The following CFAP92 variants were observed in gnomAD, a reference collection of about 807,000 sequenced individuals.
The protein encoded by CFAP92 is cilia and flagella associated protein 92 (putative).
A neutral mutation model predicts 106.3 loss-of-function variants in CFAP92; 86 were observed. The observed-to-expected ratio is 0.81, with a 90% CI of 0.68 to 0.97. The LOEUF is 0.97. Ranked by LOEUF, CFAP92 falls within the 50% of genes least tolerant of loss-of-function variation. The probability of loss-of-function intolerance (pLI) is 0.00; values close to 1 mark genes in which losing one functional copy is unlikely to be tolerated. For missense variants in CFAP92, 1,204 were observed against 1,283.8 expected (o/e 0.94, Z 0.95); for synonymous variants, 477 against 506.4 (o/e 0.94, Z 0.78).
intron 7 of CFAP92, among the ~76,000 whole-genome samples, chr3:128,972,857 GAA>G (rs772702523): frequency 7.3e-5 from 9 of 123,068 alleles, no homozygotes; most frequent in Admixed American, 8.4e-5. Flanking sequence ...CTCAGTCCTT[GAA>G]AAAAAAAAAA....
At chr3:128,974,922 G>A (rs993972015) in intron 7 of CFAP92, among the ~76,000 whole-genome samples, 1 of 151,350 alleles carries the variant, frequency 6.6e-6, no homozygotes, top group African/African-American at 2.4e-5. Context: ...AGATCGAGAC[G>A]ATCCTGGCTA....
chr3:128,999,528 G>C (rs1363945145), intron 1 of CFAP92, among the ~76,000 whole-genome samples: 1 of 138,690 alleles, frequency 7.2e-6, no homozygotes, highest in Non-Finnish European at 1.5e-5. Context: ...ATAAAATCAG[G>C]TTCTTTTTTT....
rs1280894191 is a variant in CFAP92 at position 128,932,943 on chromosome 3, G to T, written c.2508C>A (p.Asp836Glu). Residue 836 changes from aspartate to glutamate, a missense_variant, in exon 12 of 16, where the codon GAC becomes GAA. Coordinates refer to ENST00000645291, the MANE Select transcript of CFAP92 (RefSeq NM_001394090.1). ...TTATCATAGCAGAGGAGGGCAGCAG[G>T]TCCCTCACCGTCACGTCCCAGAGGG... Reference protein sequence around the residue: ...STTLWDVTVRDLLPSSAMIKD... With the variant: ...STTLWDVTVRELLPSSAMIKD... 2 of 1,535,990 alleles carry T rather than the reference G, an allele frequency of 1.3e-6. No homozygotes were observed. Among genetic ancestry groups the T allele is most frequent in the Non-Finnish European group, 1.7e-6 (2 of 1,146,908 alleles).
intron 15 of CFAP92, chr3:128,910,795 C>T: frequency 3.7e-6 from 6 of 1,614,168 alleles, no homozygotes; most frequent in Non-Finnish European, 5.1e-6. Flanking sequence ...TCTCTTCAGC[C>T]TCTCTCAGCT....
intron 9 of CFAP92, among the ~76,000 whole-genome samples, chr3:128,960,214 G>T (rs1394600120): frequency 6.6e-6 from 1 of 152,216 alleles, no homozygotes; most frequent in Non-Finnish European, 1.5e-5. Context: ...CTCACACAAA[G>T]CCTGTTTGGT....
upstream of CFAP92, among the ~76,000 whole-genome samples, chr3:129,004,791 G>A (rs961224285): frequency 2.0e-5 from 3 of 152,262 alleles, no homozygotes; most frequent in Admixed American, 6.5e-5. Context: ...CTGTAGATGA[G>A]GAAACAGGTG....
upstream of CFAP92, among the ~76,000 whole-genome samples, chr3:128,996,761 C>T (rs1445792369): frequency 6.6e-6 from 1 of 152,236 alleles, no homozygotes; most frequent in Non-Finnish European, 1.5e-5. Context: ...AGCTGGAGGA[C>T]CAACATGGCT....
intron 1 of CFAP92, chr3:129,002,425 G>A (rs956048000): frequency 6.1e-5 from 87 of 1,419,092 alleles, no homozygotes; most frequent in Non-Finnish European, 7.4e-5. Flanking sequence ...CAGAGGAAGG[G>A]GAGACAGAGG....
intron 7 of CFAP92, among the ~76,000 whole-genome samples, chr3:128,975,042 C>T (rs1277467630): frequency 6.6e-6 from 1 of 152,062 alleles, no homozygotes; most frequent in East Asian, 1.9e-4. Flanking sequence ...ATGGCGTGAA[C>T]CCGGGAGACA....
chr3:128,988,666 C>T, intron 3 of CFAP92, 62 bp downstream of exon 3: 2 of 1,529,274 alleles, frequency 1.3e-6, no homozygotes, highest in East Asian at 2.3e-5. Context: ...ATCCATGGAG[C>T]AGCACACTTT....
chr3:129,016,464 G>A, the CFAP92 span, among the ~76,000 whole-genome samples: 1 of 151,726 alleles, frequency 6.6e-6, no homozygotes, highest in Non-Finnish European at 1.5e-5. Flanking sequence ...GTCCACAAAA[G>A]GGAAGCTGGC....
chr3:128,965,542 G>T lies in CFAP92; in HGVS notation c.1322C>A (p.Pro441Gln). 2.5e-6 allele frequency: 1 copy of T among 398,972 alleles called. No homozygotes were observed. Among genetic ancestry groups the T allele is most frequent in the South Asian group, 1.3e-4 (1 of 7,850 alleles). 24.7% of individuals were successfully genotyped at this position (398,972 alleles called of 1,614,324 possible). A position where few individuals can be genotyped will look rare whatever the true frequency, so the allele number is the denominator to read the frequency against. Reference protein sequence around the residue: ...TIKIKCASCLPSQPVPIQELE... With the variant: ...TIKIKCASCLQSQPVPIQELE... ...TTCCTGAATGGGTACAGGCTGTGAT[G>T]GAAGGCAGGAAGCACACTTGATCTT... The change falls in exon 9 of 16, where the codon CCA becomes CAA. Residue 441 changes from proline to glutamine, a missense_variant. Transcript: ENST00000645291.
At chr3:129,023,249 G>C in the CFAP92 span, among the ~76,000 whole-genome samples, 7 of 151,592 alleles carry the variant, frequency 4.6e-5, no homozygotes, top group East Asian at 1.4e-3. Flanking sequence ...CACATACTAA[G>C]TTCGGCTTCA....
chr3:128,963,275 G>A (rs1464065778), intron 9 of CFAP92, among the ~76,000 whole-genome samples: 1 of 152,104 alleles, frequency 6.6e-6, no homozygotes, highest in African/African-American at 2.4e-5. Flanking sequence ...CAAGAGCCAG[G>A]ACCACACCGT....
chr3:129,016,104 G>T, the CFAP92 span, among the ~76,000 whole-genome samples: 1 of 152,154 alleles, frequency 6.6e-6, no homozygotes, highest in Non-Finnish European at 1.5e-5. Flanking sequence ...GAGCCCAGGC[G>T]GTGTAATGGG....
chr3:128,975,529 T>G (rs1451730580), intron 7 of CFAP92, among the ~76,000 whole-genome samples: 1 of 151,602 alleles, frequency 6.6e-6, no homozygotes, highest in Non-Finnish European at 1.5e-5. Context: ...AATGAATGGA[T>G]GGATGAATAG....
the CFAP92 span, among the ~76,000 whole-genome samples, chr3:129,011,744 G>A: frequency 4.9e-3 from 748 of 151,862 alleles, 7 homozygotes; most frequent in African/African-American, 0.017. Context: ...TCAAATACAT[G>A]CCCCCAGCTG....
chr3:128,991,101 T>C (rs1944184147), intron 2 of CFAP92, among the ~76,000 whole-genome samples: 1 of 152,182 alleles, frequency 6.6e-6, no homozygotes, highest in Non-Finnish European at 1.5e-5. Flanking sequence ...ATTTTATAAA[T>C]GCCTTTAGAG....
intron 2 of CFAP92, chr3:128,991,620 T>C (rs1944222242): frequency 4.7e-6 from 1 of 212,258 alleles, no homozygotes. Flanking sequence ...ACACTTCCTG[T>C]TTACAGGAGA....
Sources: gnomAD v4.1 joint callset for allele counts (sites outside exome capture counted in the v4.1 genomes callset) on GRCh38, gnomAD v4.1.1 for gene constraint, MANE v1.5 for transcripts, NCBI Gene and HGNC (gene_info 2026-07-23, HGNC 2026-07-21) for gene names.